Variants in CRACD observed in about 807,000 individuals in gnomAD.
CRACD encodes capping protein inhibiting regulator of actin dynamics, also known as capping protein-inhibiting regulator of actin dynamics.
CRACD carries 56 observed loss-of-function variants against 106.8 expected under a neutral mutation model. The observed-to-expected ratio is 0.52, with a 90% CI of 0.42 to 0.66. The LOEUF (loss-of-function observed/expected upper bound fraction) is 0.66, where lower values mean the gene tolerates loss of function less well. Ranked by LOEUF, CRACD falls within the 30% of genes least tolerant of loss-of-function variation. The pLI is 0.00. For synonymous variants in CRACD, 754 were observed against 670.8 expected (o/e 1.12, Z -1.92); for missense variants, 1,730 against 1,623.2 (o/e 1.07, Z -1.13).
chr4:56,126,230 A>G (rs1560458605), intron 1 of CRACD, among the ~76,000 whole-genome samples: 1 of 152,082 alleles, frequency 6.6e-6, no homozygotes, highest in South Asian at 2.1e-4. Flanking sequence ...TTCCTGCCCC[A>G]CACCAAAACT....
At chr4:56,226,870 CTCTCTG>C (rs377111178) in intron 2 of CRACD, among the ~76,000 whole-genome samples, 21,094 of 150,230 alleles carry the variant, frequency 0.14, 2,135 homozygotes, top group East Asian at 0.57. Context: ...CTCTCTCTCT[CTCTCTG>C]TCTCTCTCTC....
intron 4 of CRACD, among the ~76,000 whole-genome samples, chr4:56,300,125 A>G (rs1211658040): frequency 2.6e-5 from 4 of 151,944 alleles, no homozygotes; most frequent in Non-Finnish European, 5.9e-5. Context: ...CGACAGAGAG[A>G]GATTTCCTCT....
chr4:56,324,527 A>G (rs1746305938), intron 10 of CRACD, among the ~76,000 whole-genome samples: 1 of 152,180 alleles, frequency 6.6e-6, no homozygotes, highest in Non-Finnish European at 1.5e-5. Flanking sequence ...TGTTTGGAGC[A>G]TCTTCAATTT....
chr4:56,156,485 A>C (rs1239108676), intron 1 of CRACD, among the ~76,000 whole-genome samples: 2 of 152,240 alleles, frequency 1.3e-5, no homozygotes, highest in East Asian at 3.8e-4. Context: ...ATCAGAATAC[A>C]TGCTGTAGAG....
At chr4:56,279,137 T>A (rs1349769214) in intron 3 of CRACD, among the ~76,000 whole-genome samples, 1 of 152,148 alleles carries the variant, frequency 6.6e-6, no homozygotes, top group Non-Finnish European at 1.5e-5. Context: ...GAGGTGACAG[T>A]GCTATTAGTG....
chr4:56,172,382 T>C (rs1233790662), intron 1 of CRACD, among the ~76,000 whole-genome samples: 1 of 152,238 alleles, frequency 6.6e-6, no homozygotes, highest in Non-Finnish European at 1.5e-5. Flanking sequence ...ATTTTCTCTG[T>C]TACAATCTGT....
chr4:56,316,171 G>A lies in CRACD; in HGVS notation c.2669G>A (p.Arg890His), dbSNP rs376385425. The A allele has an allele frequency of 8.7e-6, 14 of 1,614,014 alleles. No individual in the cohort carries two copies. The highest frequency in any genetic ancestry group is 2.7e-5 in the African/African-American group (2 of 74,922). Residue 890 changes from arginine to histidine, a missense_variant, in exon 8 of 11, where the codon CGT (arginine) becomes CAT (histidine). Arg to His is a conservative substitution (Grantham distance 29). This residue lies in a region of CRACD where 1,620 missense variants were observed against 1,481.6 expected (regional missense o/e 1.09). Transcript: ENST00000682029. ...DAGPPAAGSA[R>H]GEKEMEGVAL... ...GGGCCGCCTGCAGCGGGGAGCGCTC[G>A]TGGAGAGAAAGAGATGGAGGGTGTG...
chr4:56,119,962 C>T (rs891094852), intron 1 of CRACD, among the ~76,000 whole-genome samples: 49 of 152,282 alleles, frequency 3.2e-4, no homozygotes, highest in African/African-American at 1.2e-3. Flanking sequence ...CCATAGCTGA[C>T]TCCACTTTAA....
intron 2 of CRACD, among the ~76,000 whole-genome samples, chr4:56,238,512 C>T (rs778134034): frequency 6.6e-6 from 1 of 152,188 alleles, no homozygotes; most frequent in Non-Finnish European, 1.5e-5. Context: ...CCAGGTGGAG[C>T]AAGACACATA....
chr4:56,309,047 TAG>T (rs1744952481), intron 5 of CRACD: 1 of 492,100 alleles, frequency 2.0e-6, no homozygotes, highest in Admixed American at 2.4e-5. Context: ...AGTATATAAA[TAG>T]AATCATTTCA....
intron 1 of CRACD, among the ~76,000 whole-genome samples, chr4:56,162,257 C>T (rs1047021069): frequency 1.3e-5 from 2 of 151,870 alleles, no homozygotes; most frequent in African/African-American, 2.4e-5. Context: ...TGCAGGGGTA[C>T]AATCATAGCT....
At chr4:56,303,972 T>C (rs74403828) in intron 4 of CRACD, among the ~76,000 whole-genome samples, 11,366 of 152,272 alleles carry the variant, frequency 0.075, 466 homozygotes, top group South Asian at 0.14. Flanking sequence ...TTCAAGTCAA[T>C]TTCTTTACTA....
chr4:56,306,260 G>A (rs1275143486), intron 4 of CRACD, among the ~76,000 whole-genome samples: 5 of 152,132 alleles, frequency 3.3e-5, no homozygotes, highest in Non-Finnish European at 5.9e-5. Context: ...TTGGGAGGCC[G>A]AGGTGGGCGG....
At chr4:56,206,716 C>T (rs1353655980) in intron 2 of CRACD, among the ~76,000 whole-genome samples, 1 of 152,152 alleles carries the variant, frequency 6.6e-6, no homozygotes, top group African/African-American at 2.4e-5. Flanking sequence ...AAACAGTGGC[C>T]TCCCATACTT....
chr4:56,102,525 C>T (rs1733808934), intron 1 of CRACD, among the ~76,000 whole-genome samples: 1 of 152,180 alleles, frequency 6.6e-6, no homozygotes, highest in Non-Finnish European at 1.5e-5. Context: ...ATAGTCAGAT[C>T]ATCCATTTGA....
intron 2 of CRACD, among the ~76,000 whole-genome samples, chr4:56,200,507 G>T (rs1737830783): frequency 6.6e-6 from 1 of 152,122 alleles, no homozygotes; most frequent in Non-Finnish European, 1.5e-5. Flanking sequence ...TTTTTAATAT[G>T]CGACACTCAT....
chr4:56,182,742 T>C (rs1266439505), intron 2 of CRACD, among the ~76,000 whole-genome samples: 2 of 152,196 alleles, frequency 1.3e-5, no homozygotes, highest in African/African-American at 4.8e-5. Context: ...AGGAAATAGA[T>C]GCTTTTTTCC....
chr4:56,221,450 G>T (rs776788284), intron 2 of CRACD, among the ~76,000 whole-genome samples: 2 of 152,008 alleles, frequency 1.3e-5, no homozygotes, highest in Non-Finnish European at 2.9e-5. Flanking sequence ...GTAGGAAGAA[G>T]AATTTATTAC....
At chr4:56,081,515 AG>A (rs1235880645) in intron 1 of CRACD, among the ~76,000 whole-genome samples, 4 of 152,360 alleles carry the variant, frequency 2.6e-5, no homozygotes, top group African/African-American at 9.6e-5. Flanking sequence ...AGACATTAAA[AG>A]TAAAATTAAT....
Sources: allele counts gnomAD v4.1 joint callset (sites outside exome capture counted in the v4.1 genomes callset), GRCh38; gene constraint gnomAD v4.1.1; regional missense constraint gnomAD v4.1.1; transcripts MANE v1.5; gene names NCBI Gene and HGNC (gene_info 2026-07-23, HGNC 2026-07-21).